The following DSG1 variants were observed in gnomAD, a reference collection of about 807,000 sequenced individuals.
DSG1 encodes the protein desmoglein-1.
In DSG1, 39 loss-of-function variants were observed where a neutral mutation model predicts 97.5. The observed-to-expected ratio is 0.40, with a 90% confidence interval of 0.31 to 0.52. The LOEUF is 0.52. Ranked by LOEUF, DSG1 falls within the 20% of genes least tolerant of loss-of-function variation. DSG1 has a pLI of 0.53. For missense variants in DSG1, 1,311 were observed against 1,295.4 expected (o/e 1.01, Z -0.18); for synonymous variants, 475 against 443.4 (o/e 1.07, Z -0.90).
chr18:31,331,591 T>A, intron 5 of DSG1, 110 bp from the exon 6 acceptor site: 1 of 936,162 alleles, frequency 1.1e-6, no homozygotes, highest in Non-Finnish European at 1.7e-6. Context: ...GACAGTGAAG[T>A]CCACATCATA....
chr18:31,355,008 A>G lies in DSG1; in HGVS notation c.2812A>G (p.Ser938Gly). The change falls in exon 15 of 15, where the codon AGT becomes GGT. Residue 938 changes from serine (S) to glycine (G), a missense_variant. Physicochemically the swap from Ser to Gly is moderately conservative, Grantham distance 56. Transcript: ENST00000257192. ...AACTTCCGGCATGATAGGTAGTCTGAGTATGCACCCCGAGTTAGCCAATGC... is the reference window on the plus strand; with the variant it reads ...AACTTCCGGCATGATAGGTAGTCTGGGTATGCACCCCGAGTTAGCCAATGC... ...QPTSGMIGSL[S>G]MHPELANAHN... 1 of 1,614,228 alleles carries G rather than the reference A, an allele frequency of 6.2e-7. No homozygotes were observed. The highest frequency in any genetic ancestry group is 8.5e-7 in the Non-Finnish European group (1 of 1,180,036).
Position 31,326,914 on chromosome 18 carries a change from A to G in DSG1, c.125A>G (p.His42Arg), listed in dbSNP as rs750452440. 26 of 1,613,868 alleles carry G rather than the reference A, an allele frequency of 1.6e-5. No homozygotes were observed. Among genetic ancestry groups the G allele is most frequent in the Non-Finnish European group, 2.2e-5 (26 of 1,179,896 alleles). The change falls in exon 3 of 15, where the codon CAT (histidine) becomes CGT (arginine). Residue 42 changes from histidine to arginine, a missense_variant. This residue lies in a region of DSG1 where 259 missense variants were observed against 304.1 expected (regional missense o/e 0.85). Coordinates refer to ENST00000257192, the MANE Select transcript of DSG1 (RefSeq NM_001942.4). Reference sequence around the variant, plus strand: ...ACTAAAAATGGCACCATCAAATGGCATTCAATCCGAAGGCAGAAACGTGAA... The same window carrying G: ...ACTAAAAATGGCACCATCAAATGGCGTTCAATCCGAAGGCAGAAACGTGAA... ...YNTKNGTIKW[H>R]SIRRQKREWI...
At chr18:31,321,136 G>A (rs1369891067) in intron 1 of DSG1, among the ~76,000 whole-genome samples, 1 of 151,604 alleles carries the variant, frequency 6.6e-6, no homozygotes, top group Non-Finnish European at 1.5e-5. Context: ...TCTGACACCT[G>A]ATAAACTAAC....
At chr18:31,340,852 AG>A in intron 11 of DSG1, among the ~76,000 whole-genome samples, 1 of 152,364 alleles carries the variant, frequency 6.6e-6, no homozygotes, top group South Asian at 2.1e-4. Context: ...TATTAATAAA[AG>A]GATAGTCAAA....
At chr18:31,338,907 C>A (rs750784944) in intron 10 of DSG1, among the ~76,000 whole-genome samples, 1 of 152,062 alleles carries the variant, frequency 6.6e-6, no homozygotes, top group Non-Finnish European at 1.5e-5. Flanking sequence ...TGTTTTTATT[C>A]ATTTATTTAG....
Position 31,356,978 on chromosome 18 carries a change from T to G in DSG1, c.*1632T>G, listed in dbSNP as rs1008930400. 7 of 152,106 alleles carry G rather than the reference T, an allele frequency of 4.6e-5. No homozygotes were observed. Among genetic ancestry groups the G allele is most frequent in the Non-Finnish European group, 7.4e-5 (5 of 67,976 alleles). 9.4% of individuals were successfully genotyped at this position (152,106 alleles called of 1,614,324 possible). On this transcript the variant is annotated 3_prime_UTR_variant, in exon 15 of 15. Transcript: ENST00000257192. ...AAATACAATGTTACTATAAGCTCAC[T>G]AAAATGAAACTCTATATGACAAAAT...
At chr18:31,320,137 C>T (rs2071644447) in intron 1 of DSG1, among the ~76,000 whole-genome samples, 1 of 152,082 alleles carries the variant, frequency 6.6e-6, no homozygotes, top group South Asian at 2.1e-4. Context: ...GATTTTACCA[C>T]ATGGGATAAT....
intron 1 of DSG1, among the ~76,000 whole-genome samples, chr18:31,322,486 G>A (rs553997352): frequency 6.6e-6 from 1 of 152,058 alleles, no homozygotes; most frequent in East Asian, 1.9e-4. Flanking sequence ...ATCTAGTGTT[G>A]GATCCACATA....
chr18:31,351,608 C>T (rs1477234569), intron 14 of DSG1, among the ~76,000 whole-genome samples: 1 of 151,632 alleles, frequency 6.6e-6, no homozygotes, highest in Non-Finnish European at 1.5e-5. Context: ...GAGTCTAAGT[C>T]TCTTTGTAGG....
intron 9 of DSG1, 50 bp from the exon 10 acceptor site, chr18:31,338,265 C>A (rs754168616): frequency 1.8e-5 from 28 of 1,570,396 alleles, no homozygotes; most frequent in Middle Eastern, 3.4e-4. Context: ...ATTAAAATTT[C>A]TTTTTTTAGA....
chr18:31,326,690 A>G lies in DSG1; in HGVS notation c.84+74A>G, dbSNP rs2071687839. On this transcript the variant is annotated intron_variant, in intron 2 of 14. Transcript: ENST00000257192. Reference sequence around the variant, plus strand: ...TTTGAGAATAACAATATGTTTTCTGAAGAAAATGTATTCTCATAAGTCAAG... The same window carrying G: ...TTTGAGAATAACAATATGTTTTCTGGAGAAAATGTATTCTCATAAGTCAAG... 7.8e-6 allele frequency: 11 copies of G among 1,409,830 alleles called. No individual in the cohort carries two copies. In the South Asian group the frequency reaches 1.3e-4, roughly 17 times the overall value. 87.3% of individuals were successfully genotyped at this position (1,409,830 alleles called of 1,614,324 possible). A position where few individuals can be genotyped will look rare whatever the true frequency, so the allele number is the denominator to read the frequency against.
intron 5 of DSG1, 22 bp from the exon 6 acceptor site, chr18:31,331,679 A>G (rs951777553): frequency 2.5e-6 from 4 of 1,610,138 alleles, no homozygotes; most frequent in African/African-American, 2.7e-5. Context: ...CCCATTTGCA[A>G]TCAATTTTCC....
At position 31,328,232 on chromosome 18, in the gene DSG1, T is replaced by C. The variant is rs2071698624; in HGVS notation, c.260T>C (p.Ile87Thr). The C allele has an allele frequency of 6.2e-7, 1 of 1,613,636 alleles. No individual in the cohort carries two copies. The highest frequency in any genetic ancestry group is 8.5e-7 in the Non-Finnish European group (1 of 1,179,612). ...CAANQQVTYR[I>T]SGVGIDQPPY... ...GCAAACCAGCAAGTTACATACCGCA[T>C]CTCTGGAGTAGGAATTGATCAGCCA... Residue 87 changes from isoleucine (I) to threonine (T), a missense_variant, in exon 4 of 15, where the codon ATC becomes ACC. Ile to Thr is a moderately conservative substitution (Grantham distance 89, BLOSUM62 -1). Coordinates refer to ENST00000257192, the MANE Select transcript of DSG1 (RefSeq NM_001942.4).
rs1300008855 is a variant in DSG1, at chr18:31,359,193, T to C, written c.*3847T>C. On this transcript the variant is annotated 3_prime_UTR_variant, in exon 15 of 15. Coordinates refer to ENST00000257192, the MANE Select transcript of DSG1 (RefSeq NM_001942.4). ...TTGGTTATCTGTTCGTTTTTTTAAG[T>C]TGATTTGTAATTTCCAAAGAGTTAT... 6.6e-6 allele frequency among the ~76,000 whole-genome samples: 1 copy of C among 152,176 alleles called. No individual in the cohort carries two copies. Among genetic ancestry groups the C allele is most frequent in the Non-Finnish European group, 1.5e-5 (1 of 68,014 alleles).
chr18:31,356,518 C>G lies in DSG1; in HGVS notation c.*1172C>G, dbSNP rs576148940. 6.6e-6 allele frequency: 1 copy of G among 152,100 alleles called. No individual in the cohort carries two copies. Among genetic ancestry groups the G allele is most frequent in the African/African-American group, 2.4e-5 (1 of 41,428 alleles). The allele number at this position is 152,100 out of a possible 1,614,324, so 9.4% of individuals were successfully genotyped here. A position where few individuals can be genotyped will look rare whatever the true frequency, so the allele number is the denominator to read the frequency against. ...AAAAGAATTCTTCTGTAAAGTAATA[C>G]CATGCTAATTATTCGCTTTTAGTAA... On this transcript the variant is annotated 3_prime_UTR_variant, in exon 15 of 15. Transcript: ENST00000257192.
intron 13 of DSG1, 32 bp from the exon 14 acceptor site, chr18:31,345,958 G>A (rs932085708): frequency 1.3e-5 from 21 of 1,580,532 alleles, no homozygotes; most frequent in Non-Finnish European, 1.7e-5. Flanking sequence ...ATAGACTAAA[G>A]AAAATAAATT....
intron 14 of DSG1, among the ~76,000 whole-genome samples, chr18:31,352,033 G>A (rs1211853358): frequency 2.6e-5 from 4 of 151,478 alleles, no homozygotes; most frequent in African/African-American, 7.3e-5. Context: ...TGGTTATTTT[G>A]CTCGTTAGTT....
At chr18:31,332,366 T>C (rs1264239446) in intron 6 of DSG1, among the ~76,000 whole-genome samples, 1 of 152,118 alleles carries the variant, frequency 6.6e-6, no homozygotes, top group Non-Finnish European at 1.5e-5. Flanking sequence ...GTAACATCTA[T>C]TGATAGCTCA....
At chr18:31,344,072 T>A (rs900797931) in intron 13 of DSG1, 77 bp downstream of exon 13, 32 of 1,075,784 alleles carry the variant, frequency 3.0e-5, no homozygotes, top group Non-Finnish European at 4.4e-5. Flanking sequence ...TATTGTTTTT[T>A]AATTATCTTA....
Sources: gnomAD v4.1 joint callset for allele counts (sites outside exome capture counted in the v4.1 genomes callset) on GRCh38, gnomAD v4.1.1 for gene constraint, gnomAD v4.1.1 regional missense constraint, MANE v1.5 for transcripts, NCBI Gene and HGNC (gene_info 2026-07-23, HGNC 2026-07-21) for gene names.